Variants in DZIP3 observed in about 807,000 individuals in gnomAD.
DZIP3 encodes DAZ interacting zinc finger protein 3.
In DZIP3, 118 loss-of-function variants were observed where a neutral mutation model predicts 162.0. That is an observed-to-expected ratio of 0.73 (90% confidence interval 0.63 to 0.85). The LOEUF (loss-of-function observed/expected upper bound fraction) is 0.85, where lower values mean the gene tolerates loss of function less well. Ranked by LOEUF, DZIP3 falls within the 40% of genes least tolerant of loss-of-function variation. The pLI is 0.00. For missense variants in DZIP3, 1,331 were observed against 1,407.0 expected, an observed-to-expected ratio of 0.95 and a Z score of 0.86; for synonymous variants, 438 against 458.6, an observed-to-expected ratio of 0.96 and a Z score of 0.57.
Position 108,688,736 on chromosome 3 carries a change from A to G in DZIP3, c.3414A>G (p.Pro1138=), listed in dbSNP as rs2107437519. 1 of 1,613,902 alleles carries G rather than the reference A, an allele frequency of 6.2e-7. No homozygotes were observed. The highest frequency in any genetic ancestry group is 1.1e-5 in the South Asian group (1 of 91,034). The change falls in exon 30 of 33, where the codon CCA becomes CCG. Residue 1138 remains proline, a splice_region_variant and synonymous_variant. Coordinates refer to ENST00000361582, the MANE Select transcript of DZIP3 (RefSeq NM_014648.4). ...CCACATGGGAAGGAGCCAGTAATCC[A>G]GTGAGACTGAAATTTTTGATTCTGA... ...GPATWEGASN[P]DEEEEEEEPC...
chr3:108,664,348 A>G lies in DZIP3; in HGVS notation c.2423+2091A>G, dbSNP rs547728335. Among the ~76,000 whole-genome samples, 3 of 152,354 alleles carry G rather than the reference A, an allele frequency of 2.0e-5. No homozygotes were observed. The East Asian group carries it at 5.8e-4, about 29-fold the overall frequency. ...ACCACCCCTTGGAAGTAGGCAGTAC[A>G]TGCTGATTCTCCTACCTAACATAAG... On this transcript the variant is annotated intron_variant, in intron 21 of 32. Transcript: ENST00000361582.
chr3:108,670,251 C>T (rs894658746), intron 22 of DZIP3, among the ~76,000 whole-genome samples: 4 of 151,872 alleles, frequency 2.6e-5, no homozygotes, highest in Non-Finnish European at 4.4e-5. Flanking sequence ...ATTTCCAGAA[C>T]ATTTTTATCA....
In DZIP3 at chr3:108,670,579, C is replaced by T. The variant is rs113884941; in HGVS notation, c.2492+830C>T. Among the ~76,000 whole-genome samples the T allele has an allele frequency of 4.7e-3, 719 of 151,942 alleles. 3 individuals are homozygous for T. The highest frequency in any genetic ancestry group is 0.016 in the African/African-American group (655 of 41,504). On this transcript the variant is annotated intron_variant, in intron 22 of 32. Transcript: ENST00000361582. The stretch of plus-strand genomic sequence containing the variant: ...TTCCATTGTTTGGCTATTATGAATA[C>T]TGTTATCAATATTTATATACAGATT...
intron 7 of DZIP3, among the ~76,000 whole-genome samples, chr3:108,626,550 A>G (rs115983174): frequency 0.013 from 1,974 of 152,318 alleles, 40 homozygotes; most frequent in African/African-American, 0.045. Flanking sequence ...AGGAAACTAT[A>G]CAGATTATCT....
chr3:108,627,023 T>C (rs1020245431), intron 7 of DZIP3, among the ~76,000 whole-genome samples: 5 of 152,222 alleles, frequency 3.3e-5, no homozygotes, highest in Admixed American at 6.5e-5. Context: ...CCTGTTTTTT[T>C]ACTAGGGTAT....
chr3:108,644,882 G>T, intron 14 of DZIP3, 101 bp downstream of exon 14: 1 of 1,153,394 alleles, frequency 8.7e-7, no homozygotes, highest in East Asian at 2.5e-5. Flanking sequence ...GTGAGCTCAT[G>T]GTTTTGGGAA....
At chr3:108,676,523 A>C (rs1465151167) in intron 25 of DZIP3, among the ~76,000 whole-genome samples, 1 of 152,040 alleles carries the variant, frequency 6.6e-6, no homozygotes, top group Non-Finnish European at 1.5e-5. Flanking sequence ...AATATTTATT[A>C]ATTGATTTTG....
At position 108,632,431 on chromosome 3, in the gene DZIP3, A is replaced by T. The variant is rs1300467302; in HGVS notation, c.697-522A>T. On this transcript the variant is annotated intron_variant, in intron 8 of 32. Transcript: ENST00000361582. The stretch of plus-strand genomic sequence containing the variant: ...TTTAATCAGTATTTTAAAATGAGAA[A>T]TTATATTCTGATTTGTAACTAAAGA... Among the ~76,000 whole-genome samples the T allele has an allele frequency of 3.3e-5, 5 of 152,134 alleles. No homozygotes were observed. The East Asian group carries it at 9.6e-4, about 29-fold the overall frequency.
intron 28 of DZIP3, among the ~76,000 whole-genome samples, chr3:108,687,467 C>T (rs1944538076): frequency 6.6e-6 from 1 of 152,068 alleles, no homozygotes; most frequent in South Asian, 2.1e-4. Flanking sequence ...TGGGTTCTTT[C>T]ATTATATAAT....
intron 9 of DZIP3, 86 bp downstream of exon 9, chr3:108,633,158 G>C (rs1941966457): frequency 3.3e-6 from 2 of 605,628 alleles, no homozygotes; most frequent in East Asian, 1.5e-4. Context: ...ATTATATTAT[G>C]TATAAAATAT....
intron 12 of DZIP3, among the ~76,000 whole-genome samples, chr3:108,640,165 A>G (rs1243231752): frequency 2.0e-5 from 3 of 152,236 alleles, no homozygotes; most frequent in Non-Finnish European, 2.9e-5. Context: ...TGAATGTTCT[A>G]CTTGGATTTG....
At chr3:108,599,019 C>G (rs909728192) in intron 1 of DZIP3, among the ~76,000 whole-genome samples, 2 of 152,134 alleles carry the variant, frequency 1.3e-5, no homozygotes, top group Non-Finnish European at 2.9e-5. Context: ...CCAAAAGTAA[C>G]TAATTGAATA....
Position 108,653,503 on chromosome 3 carries a change from GTGTGTATA to G in DZIP3, c.2034-640_2034-633del, listed in dbSNP as rs1185553242. Among the ~76,000 whole-genome samples, 82 of 20,074 alleles carry G rather than the reference GTGTGTATA, an allele frequency of 4.1e-3. 1 individual carries two copies. The Admixed American group carries it at 0.052, about 13-fold the overall frequency. 13.2% of individuals were successfully genotyped at this position (20,074 alleles called of 152,430 possible). A position where few individuals can be genotyped will look rare whatever the true frequency, so the allele number is the denominator to read the frequency against. ...AAATTGGTTAATTGCCATTGTGTGT[GTGTGTATA>G]TATATATATATATATATATATATAT... is the stretch of plus-strand genomic sequence containing the variant. On this transcript the variant is annotated intron_variant, in intron 18 of 32. Coordinates refer to ENST00000361582, the MANE Select transcript of DZIP3 (RefSeq NM_014648.4).
At chr3:108,688,401 T>A (rs2107435854) in intron 29 of DZIP3, among the ~76,000 whole-genome samples, 192 bp from the exon 30 acceptor site, 1 of 152,350 alleles carries the variant, frequency 6.6e-6, no homozygotes, top group South Asian at 2.1e-4. Context: ...ATTAAAAGAA[T>A]GTATAGAGTT....
Position 108,656,309 on chromosome 3 carries a change from G to A in DZIP3, c.2199+1999G>A, listed in dbSNP as rs531186586. 2.4e-4 allele frequency among the ~76,000 whole-genome samples: 37 copies of A among 152,256 alleles called. No homozygotes were observed. The South Asian group carries it at 7.4e-3, about 31-fold the overall frequency. On this transcript the variant is annotated intron_variant, in intron 19 of 32. Transcript: ENST00000361582. The stretch of plus-strand genomic sequence containing the variant: ...TCTGAGGCAAAACTTCCAGAGGAAC[G>A]ATCAGGCAGCAACATTTGCTGTTTA...
At chr3:108,684,480 C>G (rs970104822) in intron 27 of DZIP3, 139 bp downstream of exon 27, 2 of 1,090,928 alleles carry the variant, frequency 1.8e-6, no homozygotes, top group Admixed American at 2.5e-5. Flanking sequence ...ATGAATACTT[C>G]CTGTGAAGCA....
intron 22 of DZIP3, among the ~76,000 whole-genome samples, chr3:108,670,746 G>A (rs1211815002): frequency 6.6e-6 from 1 of 151,890 alleles, no homozygotes; most frequent in African/African-American, 2.4e-5. Context: ...TATAAACAGT[G>A]TATGAGGGTT....
In DZIP3 at chr3:108,597,856, T is replaced by G. The variant is rs745642865; in HGVS notation, c.-72-7479T>G. Among the ~76,000 whole-genome samples, 71 of 152,332 alleles carry G rather than the reference T, an allele frequency of 4.7e-4. No homozygotes were observed. In the Middle Eastern group the frequency reaches 0.01, roughly 22 times the overall value. On this transcript the variant is annotated intron_variant, in intron 1 of 32. Transcript: ENST00000361582. ...AATTGATATTCTTATATTTTCAGCATATTCTCAGATCTTTTACTGTTTTAG... is the reference window on the plus strand; with the variant it reads ...AATTGATATTCTTATATTTTCAGCAGATTCTCAGATCTTTTACTGTTTTAG...
intron 4 of DZIP3, among the ~76,000 whole-genome samples, chr3:108,615,121 A>G (rs144829981): frequency 2.2e-3 from 333 of 152,342 alleles, no homozygotes; most frequent in Admixed American, 4.9e-3. Flanking sequence ...GAATATGGCA[A>G]TTACTTTAAT....
Sources: gnomAD v4.1 joint callset for allele counts (sites outside exome capture counted in the v4.1 genomes callset) on GRCh38, gnomAD v4.1.1 for gene constraint, MANE v1.5 for transcripts, NCBI Gene and HGNC (gene_info 2026-07-23, HGNC 2026-07-21) for gene names.